The following CNTLN variants were observed in gnomAD, a reference collection of about 807,000 sequenced individuals.
CNTLN encodes the protein centlein.
In CNTLN, 212 loss-of-function variants were observed where a neutral mutation model predicts 180.0. The ratio of observed to expected loss-of-function variants is 1.18; its 90% CI spans 1.05 to 1.32. The LOEUF (loss-of-function observed/expected upper bound fraction) is 1.32. Among genes scored for constraint, CNTLN ranks in the 40% most tolerant of loss-of-function variants. The probability of loss-of-function intolerance (pLI) is 0.00; values close to 1 mark genes in which losing one functional copy is unlikely to be tolerated. For missense variants in CNTLN, 2,095 were observed against 1,610.9 expected, an observed-to-expected ratio of 1.30 and a Z score of -5.14; for synonymous variants, 722 against 563.1, an observed-to-expected ratio of 1.28 and a Z score of -3.99.
chr9:17,234,899 A>T (rs988686955), intron 3 of CNTLN, among the ~76,000 whole-genome samples: 1 of 152,188 alleles, frequency 6.6e-6, no homozygotes, highest in African/African-American at 2.4e-5. Context: ...TTAGTTTGAG[A>T]TAGTAGACAA....
chr9:17,451,074 C>CATAATCTAACATAGAGTCT (rs1830751614), intron 18 of CNTLN, among the ~76,000 whole-genome samples: 1 of 151,978 alleles, frequency 6.6e-6, no homozygotes, highest in Non-Finnish European at 1.5e-5. Context: ...AGTCCTATAC[C>CATAATCTAACATAGAGTCT]TGGACAGCAT....
chr9:17,311,976 A>G (rs1056604222), intron 8 of CNTLN, among the ~76,000 whole-genome samples: 8 of 150,060 alleles, frequency 5.3e-5, no homozygotes, highest in African/African-American at 2.0e-4. Flanking sequence ...GTATGGTGTT[A>G]GTATAATAAT....
intron 18 of CNTLN, among the ~76,000 whole-genome samples, chr9:17,434,771 G>T (rs1321991318): frequency 6.6e-6 from 1 of 151,554 alleles, no homozygotes; most frequent in Non-Finnish European, 1.5e-5. Flanking sequence ...AAGTATATAG[G>T]TTGTCTGTGA....
At chr9:17,406,685 A>C (rs1326005697) in intron 15 of CNTLN, among the ~76,000 whole-genome samples, 1 of 151,670 alleles carries the variant, frequency 6.6e-6, no homozygotes, top group Non-Finnish European at 1.5e-5. Context: ...TTCTTCGTGG[A>C]TAGACTAAAT....
intron 15 of CNTLN, among the ~76,000 whole-genome samples, chr9:17,403,726 G>GTAGGACTGGGAGT (rs1295431936): frequency 2.0e-5 from 3 of 151,704 alleles, no homozygotes; most frequent in Non-Finnish European, 4.4e-5. Flanking sequence ...GGACTGGGAG[G>GTAGGACTGGGAGT]TAGGGAGGTG....
At chr9:17,188,540 G>T (rs1404222916) in intron 2 of CNTLN, among the ~76,000 whole-genome samples, 1 of 152,154 alleles carries the variant, frequency 6.6e-6, no homozygotes, top group Non-Finnish European at 1.5e-5. Flanking sequence ...GTTTGGGAAA[G>T]ACTATGATCC....
intron 18 of CNTLN, among the ~76,000 whole-genome samples, chr9:17,437,005 G>A (rs916858440): frequency 6.6e-6 from 1 of 152,154 alleles, no homozygotes. Flanking sequence ...TTGATTTTGA[G>A]GCTGATGAAA....
chr9:17,157,164 A>C (rs535450179), intron 2 of CNTLN, among the ~76,000 whole-genome samples: 1 of 152,330 alleles, frequency 6.6e-6, no homozygotes, highest in East Asian at 1.9e-4. Flanking sequence ...TGTTTTGAGA[A>C]GACTCTTTTT....
chr9:17,191,909 A>G (rs1355638950), intron 2 of CNTLN, among the ~76,000 whole-genome samples: 1 of 152,186 alleles, frequency 6.6e-6, no homozygotes, highest in Non-Finnish European at 1.5e-5. Flanking sequence ...CTTGGCATCA[A>G]TTATTGTCTT....
Position 17,252,741 on chromosome 9 carries a change from C to G in CNTLN, c.849+16153C>G, listed in dbSNP as rs575273627. Reference sequence around the variant, plus strand: ...TAGGCTGAATTTCAACCTATTTTTTCTTTTGCTGTGCAGAAGGTTTTTATT... The same window carrying G: ...TAGGCTGAATTTCAACCTATTTTTTGTTTTGCTGTGCAGAAGGTTTTTATT... On this transcript the variant is annotated intron_variant, in intron 5 of 25. Coordinates refer to ENST00000380647, the MANE Select transcript of CNTLN (RefSeq NM_017738.4). Among the ~76,000 whole-genome samples, 12 of 151,698 alleles carry G rather than the reference C, an allele frequency of 7.9e-5. 1 individual carries two copies. The South Asian group carries it at 2.5e-3, about 32-fold the overall frequency.
At chr9:17,516,732 G>A in the CNTLN span, among the ~76,000 whole-genome samples, 1 of 152,162 alleles carries the variant, frequency 6.6e-6, no homozygotes, top group African/African-American at 2.4e-5. Context: ...TAGACGGGTG[G>A]AAGGTCAGAG....
chr9:17,176,046 G>A (rs1378593389), intron 2 of CNTLN, among the ~76,000 whole-genome samples: 1 of 151,740 alleles, frequency 6.6e-6, no homozygotes, highest in African/African-American at 2.4e-5. Flanking sequence ...GTAATTGTAA[G>A]CAAGTGGAGT....
In CNTLN at chr9:17,135,201, C is replaced by T; in HGVS notation, c.136C>T (p.Arg46Trp). 1.2e-6 allele frequency: 2 copies of T among 1,610,670 alleles called. No individual in the cohort carries two copies. The highest frequency in any genetic ancestry group is 1.7e-6 in the Non-Finnish European group (2 of 1,178,906). ...GGCCTCGGGTTTTGCCGGCGCAGCG[C>T]GGGAGGTGGTCGCGGACGAAAGTGA... ...SEASGFAGAA[R>W]EVVADESDKI... The change falls in exon 1 of 26, where the codon CGG becomes TGG. Residue 46 changes from arginine (R) to tryptophan (W), a missense_variant. Coordinates refer to ENST00000380647, the MANE Select transcript of CNTLN (RefSeq NM_017738.4).
chr9:17,331,950 G>T (rs1356159742), intron 9 of CNTLN, among the ~76,000 whole-genome samples: 2 of 151,976 alleles, frequency 1.3e-5, no homozygotes, highest in East Asian at 1.9e-4. Context: ...GGGTATTATG[G>T]CCAAAATTTT....
At chr9:17,481,173 G>C (rs1832626584) in intron 23 of CNTLN, among the ~76,000 whole-genome samples, 1 of 152,120 alleles carries the variant, frequency 6.6e-6, no homozygotes, top group African/African-American at 2.4e-5. Context: ...ACCCCACCTG[G>C]CTATAGAGCT....
chr9:17,507,975 A>C (rs1833963618), downstream of CNTLN, among the ~76,000 whole-genome samples: 1 of 152,152 alleles, frequency 6.6e-6, no homozygotes, highest in Non-Finnish European at 1.5e-5. Flanking sequence ...CTGTACTCTT[A>C]CATTTTGTGT....
intron 2 of CNTLN, 62 bp from the exon 3 acceptor site, chr9:17,226,141 A>G: frequency 1.3e-6 from 1 of 786,450 alleles, no homozygotes; most frequent in Non-Finnish European, 2.0e-6. Context: ...TATTTGGGAT[A>G]TGAAAATTTA....
intron 7 of CNTLN, among the ~76,000 whole-genome samples, chr9:17,308,787 A>G (rs893604845): frequency 4.0e-5 from 6 of 151,582 alleles, no homozygotes; most frequent in African/African-American, 1.5e-4. Context: ...CCTATATTAC[A>G]CTGGCTAATA....
chr9:17,517,191 C>T, the CNTLN span, among the ~76,000 whole-genome samples: 1 of 151,932 alleles, frequency 6.6e-6, no homozygotes, highest in Non-Finnish European at 1.5e-5. Flanking sequence ...GAGATGGAGA[C>T]CATCCTGGCT....
Sources: gnomAD v4.1 joint callset for allele counts (sites outside exome capture counted in the v4.1 genomes callset) on GRCh38, gnomAD v4.1.1 for gene constraint, MANE v1.5 for transcripts, NCBI Gene and HGNC (gene_info 2026-07-23, HGNC 2026-07-21) for gene names.